The following CCDC88C variants were observed in gnomAD, a reference collection of about 807,000 sequenced individuals.
CCDC88C encodes the protein protein Daple.
CCDC88C carries 131 observed loss-of-function variants against 198.8 expected under a neutral mutation model. The observed-to-expected ratio is 0.66, with a 90% CI of 0.57 to 0.76. The LOEUF is 0.76. Among genes scored for constraint, CCDC88C ranks in the 30% least tolerant of loss-of-function variants. The probability of loss-of-function intolerance (pLI) is 0.00; values close to 1 mark genes in which losing one functional copy is unlikely to be tolerated. For missense variants in CCDC88C, 2,553 were observed against 2,631.6 expected, an observed-to-expected ratio of 0.97 and a Z score of 0.65; for synonymous variants, 1,166 against 1,114.7, an observed-to-expected ratio of 1.05 and a Z score of -0.92.
chr14:91,294,136 G>A, intron 23 of CCDC88C, 37 bp downstream of exon 23: 1 of 1,610,194 alleles, frequency 6.2e-7, no homozygotes, highest in Non-Finnish European at 8.5e-7. Flanking sequence ...CAGCTGTGGT[G>A]AGGGTGCGGA....
At chr14:91,380,976 G>T (rs1326242122) in intron 3 of CCDC88C, among the ~76,000 whole-genome samples, 2 of 152,180 alleles carry the variant, frequency 1.3e-5, no homozygotes, top group Non-Finnish European at 2.9e-5. Flanking sequence ...CATTGCTGGT[G>T]GAAAAATTTA....
chr14:91,296,379 G>C (rs544652202), intron 22 of CCDC88C, among the ~76,000 whole-genome samples: 53 of 152,342 alleles, frequency 3.5e-4, no homozygotes, highest in Admixed American at 1.4e-3. Flanking sequence ...CTTCATCAGC[G>C]TGACCTTTTC....
At chr14:91,297,937 G>A (rs1891085912) in intron 21 of CCDC88C, among the ~76,000 whole-genome samples, 1 of 152,096 alleles carries the variant, frequency 6.6e-6, no homozygotes, top group Non-Finnish European at 1.5e-5. Flanking sequence ...CCAATTCCAA[G>A]CCCCTTTCTA....
intron 15 of CCDC88C, among the ~76,000 whole-genome samples, chr14:91,310,569 C>A (rs1596055843): frequency 1.3e-5 from 2 of 152,216 alleles, no homozygotes. Context: ...CACCAGCACA[C>A]CTGGCTAATT....
intron 3 of CCDC88C, among the ~76,000 whole-genome samples, chr14:91,373,366 C>CTGGGGCCAAGCAGAACT (rs1000058157): frequency 6.6e-6 from 1 of 152,136 alleles, no homozygotes; most frequent in Admixed American, 6.5e-5. Flanking sequence ...TGACATCTGC[C>CTGGGGCCAAGCAGAACT]TGGGGCCAAG....
intron 24 of CCDC88C, among the ~76,000 whole-genome samples, chr14:91,290,083 C>T (rs1473166279): frequency 6.6e-6 from 1 of 152,066 alleles, no homozygotes; most frequent in East Asian, 1.9e-4. Flanking sequence ...ACCAGCCTGG[C>T]CAACATGGTG....
chr14:91,362,268 A>G (rs952002176), intron 3 of CCDC88C, among the ~76,000 whole-genome samples: 1 of 151,558 alleles, frequency 6.6e-6, no homozygotes, highest in African/African-American at 2.4e-5. Context: ...ACTACGTTCC[A>G]GTGTTCCAGT....
intron 3 of CCDC88C, among the ~76,000 whole-genome samples, chr14:91,385,791 C>T (rs1885095600): frequency 6.7e-6 from 1 of 148,940 alleles, no homozygotes; most frequent in South Asian, 2.1e-4. Context: ...TAGCAAGACC[C>T]TGCCTCTTTA....
chr14:91,372,722 A>G (rs930385430), intron 3 of CCDC88C, among the ~76,000 whole-genome samples: 3 of 152,104 alleles, frequency 2.0e-5, no homozygotes, highest in African/African-American at 7.2e-5. Context: ...CACGTTATCT[A>G]AACGGTGACA....
intron 3 of CCDC88C, among the ~76,000 whole-genome samples, chr14:91,400,364 C>T (rs1886101876): frequency 1.3e-5 from 2 of 152,250 alleles, no homozygotes; most frequent in Non-Finnish European, 2.9e-5. Context: ...CCTCCTCAGG[C>T]ACATCTCCCA....
intron 10 of CCDC88C, among the ~76,000 whole-genome samples, chr14:91,335,194 A>C (rs890149231): frequency 2.0e-5 from 3 of 152,190 alleles, no homozygotes; most frequent in African/African-American, 7.2e-5. Context: ...TCAGGAAAGC[A>C]GTGGTAGAAA....
At chr14:91,282,301 T>C (rs781500471) in intron 26 of CCDC88C, among the ~76,000 whole-genome samples, 4 of 152,226 alleles carry the variant, frequency 2.6e-5, no homozygotes, top group African/African-American at 9.6e-5. Flanking sequence ...GGTTTATTTA[T>C]GCAAATTAAC....
intron 12 of CCDC88C, among the ~76,000 whole-genome samples, chr14:91,321,887 T>C (rs942897037): frequency 2.0e-5 from 3 of 152,214 alleles, no homozygotes; most frequent in African/African-American, 7.2e-5. Flanking sequence ...TTTAAAATTC[T>C]AAATGAGATG....
chr14:91,405,622 G>C (rs1022614421), intron 3 of CCDC88C, among the ~76,000 whole-genome samples: 44 of 152,160 alleles, frequency 2.9e-4, no homozygotes, highest in Admixed American at 9.8e-4. Flanking sequence ...ATTCACTCAA[G>C]AACTGAAAGG....
intron 3 of CCDC88C, among the ~76,000 whole-genome samples, chr14:91,364,540 A>T (rs1198903659): frequency 6.6e-6 from 1 of 152,066 alleles, no homozygotes; most frequent in Admixed American, 6.5e-5. Flanking sequence ...TAATCTCACA[A>T]GGGGAGAGGG....
chr14:91,287,573 G>C (rs1031838744), intron 25 of CCDC88C, among the ~76,000 whole-genome samples: 1 of 150,596 alleles, frequency 6.6e-6, no homozygotes, highest in Admixed American at 6.6e-5. Context: ...CTGGCCTCAA[G>C]TGATCCTCCT....
chr14:91,402,201 G>C (rs1231259074), intron 3 of CCDC88C, among the ~76,000 whole-genome samples: 1 of 152,154 alleles, frequency 6.6e-6, no homozygotes, highest in Non-Finnish European at 1.5e-5. Context: ...GCTTGAGCCT[G>C]AGAGGTTGAG....
Position 91,400,067 on chromosome 14 carries a change from C to T in CCDC88C, c.270+8592G>A, listed in dbSNP as rs184093134. ...TTCCCCCGAGAAAGCTCTCCAGGAT[C>T]CCTGCTCCCCAGGCCTGTGTCTGGC... On this transcript the variant is annotated intron_variant, in intron 3 of 29. Transcript: ENST00000389857. Among the ~76,000 whole-genome samples the T allele has an allele frequency of 1.2e-3, 180 of 152,202 alleles. 2 individuals carry two copies. The highest frequency in any genetic ancestry group is 4.1e-3 in the African/African-American group (171 of 41,516).
intron 10 of CCDC88C, among the ~76,000 whole-genome samples, chr14:91,326,488 C>T (rs945762167): frequency 1.3e-5 from 2 of 152,134 alleles, no homozygotes. Flanking sequence ...TCTGGGATTA[C>T]GGGCATGAGC....
Sources: gnomAD v4.1 joint callset for allele counts (sites outside exome capture counted in the v4.1 genomes callset) on GRCh38, gnomAD v4.1.1 for gene constraint, MANE v1.5 for transcripts, NCBI Gene and HGNC (gene_info 2026-07-23, HGNC 2026-07-21) for gene names.